The following LGSN variants were observed in gnomAD, a reference collection of about 807,000 sequenced individuals.
LGSN encodes the protein lengsin.
LGSN carries 21 observed loss-of-function variants against 19.5 expected under a neutral mutation model. The observed-to-expected ratio is 1.07, with a 90% CI of 0.76 to 1.55. The LOEUF is 1.55. LGSN is among the 40% of genes most tolerant of loss of function. The pLI is 0.00. For synonymous variants in LGSN, 257 were observed against 215.6 expected (o/e 1.19, Z -1.68); for missense variants, 673 against 608.5 (o/e 1.11, Z -1.12).
the LGSN span, among the ~76,000 whole-genome samples, chr6:63,373,179 C>T: frequency 6.6e-6 from 1 of 152,184 alleles, no homozygotes; most frequent in Non-Finnish European, 1.5e-5. Flanking sequence ...TCCCTTACCT[C>T]CTCCACAGCC....
At chr6:63,363,078 A>AAAT in the LGSN span, among the ~76,000 whole-genome samples, 1 of 152,238 alleles carries the variant, frequency 6.6e-6, no homozygotes, top group African/African-American at 2.4e-5. Context: ...ATACCCAGGC[A>AAAT]AACAGGGTCT....
At chr6:63,379,765 T>C in the LGSN span, among the ~76,000 whole-genome samples, 1 of 152,322 alleles carries the variant, frequency 6.6e-6, no homozygotes, top group East Asian at 1.9e-4. Flanking sequence ...TTAGTTGTTT[T>C]TGTTTTTTTA....
chr6:63,365,522 G>A, the LGSN span, among the ~76,000 whole-genome samples: 1 of 152,152 alleles, frequency 6.6e-6, no homozygotes, highest in African/African-American at 2.4e-5. Flanking sequence ...AGAGGAGTTG[G>A]TACCATTCCT....
the LGSN span, among the ~76,000 whole-genome samples, chr6:63,332,916 G>A: frequency 2.0e-4 from 30 of 152,074 alleles, no homozygotes; most frequent in African/African-American, 6.3e-4. Flanking sequence ...GGACCCTCGC[G>A]GTGAGTGTTA....
the LGSN span, among the ~76,000 whole-genome samples, chr6:63,348,513 C>A: frequency 7.9e-5 from 12 of 151,892 alleles, no homozygotes; most frequent in Non-Finnish European, 1.5e-4. Context: ...GGTCTACGAG[C>A]TCTTGGTGCG....
At chr6:63,412,768 A>AAAGAAAGG in the LGSN span, among the ~76,000 whole-genome samples, 4 of 22,762 alleles carry the variant, frequency 1.8e-4, no homozygotes, top group African/African-American at 2.8e-4. Context: ...AGAAAGAAAG[A>AAAGAAAGG]AAGGAAGGAA....
chr6:63,314,083 G>A (rs1036776031), intron 1 of LGSN, among the ~76,000 whole-genome samples: 2 of 151,594 alleles, frequency 1.3e-5, no homozygotes, highest in East Asian at 1.9e-4. Flanking sequence ...GGGGTAGATC[G>A]TTAGAAGAAA....
At chr6:63,505,568 A>G in the LGSN span, among the ~76,000 whole-genome samples, 1 of 32,304 alleles carries the variant, frequency 3.1e-5, no homozygotes, top group Non-Finnish European at 7.8e-5. Context: ...AAAAAAAAAA[A>G]GAAAGAAAGA....
the LGSN span, among the ~76,000 whole-genome samples, chr6:63,353,485 C>T: frequency 4.7e-5 from 7 of 149,470 alleles, no homozygotes; most frequent in Admixed American, 2.7e-4. Context: ...CATAACAGAA[C>T]GTAAGGTGAA....
At chr6:63,469,890 A>G in the LGSN span, among the ~76,000 whole-genome samples, 3 of 151,988 alleles carry the variant, frequency 2.0e-5, no homozygotes, top group Non-Finnish European at 4.4e-5. Context: ...CTAATTTTGT[A>G]TTTTTAGTAG....
chr6:63,338,211 CTTCT>C, the LGSN span, among the ~76,000 whole-genome samples: 449 of 152,178 alleles, frequency 3.0e-3, 3 homozygotes, highest in African/African-American at 0.01. Flanking sequence ...TTTGACAACT[CTTCT>C]TTAAGTTCAA....
the LGSN span, among the ~76,000 whole-genome samples, chr6:63,353,984 T>C: frequency 3.3e-5 from 5 of 151,930 alleles, no homozygotes; most frequent in Non-Finnish European, 5.9e-5. Context: ...TCACTACATA[T>C]AAAAATCAAC....
the LGSN span, among the ~76,000 whole-genome samples, chr6:63,390,118 CTT>C: frequency 1.8e-4 from 12 of 66,316 alleles, no homozygotes; most frequent in African/African-American, 3.3e-4. Context: ...TTCTTTCTTT[CTT>C]TTTTTTTTTT....
the LGSN span, among the ~76,000 whole-genome samples, chr6:63,455,235 C>T: frequency 1.3e-5 from 2 of 152,204 alleles, no homozygotes; most frequent in East Asian, 3.9e-4. Context: ...TTCAGAAAGA[C>T]AGGAATATGG....
the LGSN span, among the ~76,000 whole-genome samples, chr6:63,537,655 G>A: frequency 1.3e-5 from 2 of 152,242 alleles, no homozygotes; most frequent in African/African-American, 4.8e-5. Flanking sequence ...TAAAAGAAGT[G>A]TGAAACCACA....
the LGSN span, among the ~76,000 whole-genome samples, chr6:63,438,276 T>G: frequency 6.6e-6 from 1 of 152,138 alleles, no homozygotes; most frequent in African/African-American, 2.4e-5. Context: ...GGCATTACCA[T>G]TCAGGACATA....
At chr6:63,344,804 G>C in the LGSN span, among the ~76,000 whole-genome samples, 1 of 152,000 alleles carries the variant, frequency 6.6e-6, no homozygotes, top group Non-Finnish European at 1.5e-5. Flanking sequence ...TTGTAGTACA[G>C]AAAAAAATAC....
the LGSN span, among the ~76,000 whole-genome samples, chr6:63,360,410 T>A: frequency 1.3e-5 from 2 of 152,220 alleles, no homozygotes; most frequent in Non-Finnish European, 2.9e-5. Flanking sequence ...TTTCATTCAT[T>A]TGATCTTCCA....
the LGSN span, among the ~76,000 whole-genome samples, chr6:63,510,940 G>T: frequency 6.6e-6 from 1 of 152,104 alleles, no homozygotes; most frequent in Admixed American, 6.6e-5. Flanking sequence ...CTCTCAAAGT[G>T]CTGGAATTAC....
Sources: allele counts gnomAD v4.1 joint callset (sites outside exome capture counted in the v4.1 genomes callset), GRCh38; gene constraint gnomAD v4.1.1; transcripts MANE v1.5; gene names NCBI Gene and HGNC (gene_info 2026-07-23, HGNC 2026-07-21).